The following SLX4IP variants were observed in gnomAD, a reference collection of about 807,000 sequenced individuals.
SLX4IP encodes the protein SLX4 interacting protein.
Under a neutral mutation model 32.9 loss-of-function variants are expected in SLX4IP, and 34 were observed. The ratio of observed to expected loss-of-function variants is 1.03; its 90% CI spans 0.79 to 1.38. The LOEUF is 1.38. Among genes scored for constraint, SLX4IP ranks in the 40% most tolerant of loss-of-function variants. SLX4IP has a pLI of 0.00. For synonymous variants in SLX4IP, 172 were observed against 171.7 expected (o/e 1.00, Z -0.01); for missense variants, 444 against 479.0 (o/e 0.93, Z 0.68).
chr20:10,548,831 C>G (rs763641853), intron 2 of SLX4IP, among the ~76,000 whole-genome samples: 20 of 152,220 alleles, frequency 1.3e-4, no homozygotes, highest in Non-Finnish European at 2.8e-4. Context: ...GTCTGGCACA[C>G]AAGCGCTCCA....
At chr20:10,562,322 G>A (rs1469084190) in intron 4 of SLX4IP, among the ~76,000 whole-genome samples, 1 of 152,282 alleles carries the variant, frequency 6.6e-6, no homozygotes. Context: ...GAGGCCAGAA[G>A]GGGGATCTAG....
In SLX4IP at chr20:10,560,812, C is replaced by A; in HGVS notation, c.230C>A (p.Ser77Tyr). Residue 77 changes from serine (S) to tyrosine (Y), a missense_variant, in exon 4 of 8, where the codon TCC becomes TAC. Ser to Tyr is a moderately radical substitution (Grantham distance 144). Coordinates refer to ENST00000334534, the MANE Select transcript of SLX4IP (RefSeq NM_001009608.3). ...GAATTCACAAGATCCAATCCCTTGT[C>A]CTTAAAAGGTAGGCACAGAGCACTT... ...NAEFTRSNPL[S>Y]LKGYGFQITA... is the part of the protein sequence containing the mutation. The A allele has an allele frequency of 6.3e-7, 1 of 1,598,138 alleles. No homozygotes were observed.
intron 2 of SLX4IP, among the ~76,000 whole-genome samples, chr20:10,527,201 A>G (rs1318625008): frequency 1.3e-5 from 2 of 152,350 alleles, no homozygotes; most frequent in East Asian, 3.9e-4. Context: ...AAAACAAAAT[A>G]CTGCCCCTCA....
intron 4 of SLX4IP, among the ~76,000 whole-genome samples, chr20:10,574,893 G>C (rs980239610): frequency 6.6e-6 from 1 of 151,990 alleles, no homozygotes; most frequent in Non-Finnish European, 1.5e-5. Context: ...GGCTGGTCTC[G>C]AACTCCTGAT....
At position 10,592,683 on chromosome 20, in the gene SLX4IP, G is replaced by A. The variant is rs143006507; in HGVS notation, c.239-5992G>A. Among the ~76,000 whole-genome samples the A allele has an allele frequency of 3.5e-3, 479 of 135,690 alleles. 3 individuals are homozygous for A. The highest frequency in any genetic ancestry group is 7.8e-3 in the Middle Eastern group (2 of 256). The allele number at this position is 135,690 out of a possible 152,430, so 89.0% of individuals were successfully genotyped here. ...GGAGTCTCACTCTGTTGCCCAGGCC[G>A]GAGTGCAGTGCCATGATCTCGGCTC... On this transcript the variant is annotated intron_variant, in intron 4 of 7. Transcript: ENST00000334534.
chr20:10,482,517 G>A (rs1001085828), intron 2 of SLX4IP, among the ~76,000 whole-genome samples: 1 of 152,104 alleles, frequency 6.6e-6, no homozygotes, highest in African/African-American at 2.4e-5. Flanking sequence ...GGTCCCTGGA[G>A]GAAGCAAGCA....
chr20:10,487,791 C>T (rs769673842), intron 2 of SLX4IP, among the ~76,000 whole-genome samples: 9 of 152,072 alleles, frequency 5.9e-5, no homozygotes, highest in Non-Finnish European at 1.0e-4. Context: ...CTTGCATGTT[C>T]GCTGAACAGT....
intron 3 of SLX4IP, 93 bp from the exon 4 acceptor site, chr20:10,560,602 CAAAAT>C: frequency 3.1e-6 from 3 of 960,852 alleles, no homozygotes; most frequent in Non-Finnish European, 4.3e-6. Context: ...AATTAAAAAG[CAAAAT>C]GAAATGAAAT....
intron 2 of SLX4IP, among the ~76,000 whole-genome samples, chr20:10,488,584 G>A (rs1411043094): frequency 6.6e-6 from 1 of 152,084 alleles, no homozygotes; most frequent in East Asian, 1.9e-4. Context: ...GTAAAATGCT[G>A]AGCAAGCCTC....
In SLX4IP at chr20:10,626,819, C is replaced by A. The variant is rs1272480769; in HGVS notation, c.*3440C>A. The A allele has an allele frequency of 6.6e-6, 1 of 152,108 alleles. No homozygotes were observed. 9.4% of individuals were successfully genotyped at this position (152,108 alleles called of 1,614,324 possible). On this transcript the variant is annotated 3_prime_UTR_variant, in exon 8 of 8. Transcript: ENST00000334534. ...GAAGTGTATTTCATTTTATAAAAAG[C>A]AAGAATCATAAAAACCCTCTGTATT...
At chr20:10,603,458 TG>T (rs1235384545) in intron 6 of SLX4IP, among the ~76,000 whole-genome samples, 1 of 152,190 alleles carries the variant, frequency 6.6e-6, no homozygotes, top group African/African-American at 2.4e-5. Context: ...TTTACATGAG[TG>T]AGTTCAGTTT....
In SLX4IP at chr20:10,623,973, G is replaced by A. The variant is rs1266678567; in HGVS notation, c.*594G>A. 1 of 153,222 alleles carries A rather than the reference G, an allele frequency of 6.5e-6. No homozygotes were observed. The highest frequency in any genetic ancestry group is 1.5e-5 in the Non-Finnish European group (1 of 68,786). 9.5% of individuals were successfully genotyped at this position (153,222 alleles called of 1,614,324 possible). A position where few individuals can be genotyped will look rare whatever the true frequency, so the allele number is the denominator to read the frequency against. ...ACATGCTCGCGTTTGAGAACCACTG[G>A]ACTAATAGAACACTCCCCAGTGCTT... On this transcript the variant is annotated 3_prime_UTR_variant, in exon 8 of 8. Transcript: ENST00000334534.
At chr20:10,515,354 G>A (rs760060046) in intron 2 of SLX4IP, among the ~76,000 whole-genome samples, 73 of 152,060 alleles carry the variant, frequency 4.8e-4, no homozygotes, top group Non-Finnish European at 9.3e-4. Flanking sequence ...CAAAGTGCTG[G>A]GATTACAGGC....
At chr20:10,616,524 A>T in intron 6 of SLX4IP, among the ~76,000 whole-genome samples, 1 of 151,814 alleles carries the variant, frequency 6.6e-6, no homozygotes, top group East Asian at 1.9e-4. Context: ...GTCACACAAG[A>T]TCTGCCTTTT....
At position 10,477,900 on chromosome 20, in the gene SLX4IP, T is replaced by C. The variant is rs2065488895; in HGVS notation, c.27+19669T>C. On this transcript the variant is annotated intron_variant, in intron 2 of 7. Transcript: ENST00000334534. ...TGGTGTTCCTTGTTACAATCTCCCT[T>C]TTTTTTTTTTTTTTTGAAACGGAGT... is the stretch of plus-strand genomic sequence containing the variant. Among the ~76,000 whole-genome samples, 4 of 20,242 alleles carry C rather than the reference T, an allele frequency of 2.0e-4. No individual in the cohort carries two copies. The South Asian group carries it at 0.011, about 58-fold the overall frequency. The allele number at this position is 20,242 out of a possible 152,430, so 13.3% of individuals were successfully genotyped here. A position where few individuals can be genotyped will look rare whatever the true frequency, so the allele number is the denominator to read the frequency against.
chr20:10,556,422 T>C (rs1352646767), intron 3 of SLX4IP, 102 bp downstream of exon 3: 7 of 1,171,560 alleles, frequency 6.0e-6, no homozygotes, highest in Non-Finnish European at 8.6e-6. Context: ...AAAAAAATGT[T>C]GCGTATTTAA....
chr20:10,566,956 G>A (rs2066401892), intron 4 of SLX4IP, among the ~76,000 whole-genome samples: 1 of 152,130 alleles, frequency 6.6e-6, no homozygotes. Context: ...TGATGAAAGA[G>A]GTCAAATGTC....
chr20:10,555,983 C>G (rs577598948), intron 2 of SLX4IP, among the ~76,000 whole-genome samples: 2 of 152,318 alleles, frequency 1.3e-5, no homozygotes, highest in South Asian at 4.1e-4. Flanking sequence ...AGCCCAGAGA[C>G]AGATATTTTG....
chr20:10,600,470 G>C (rs1000951627), intron 5 of SLX4IP, among the ~76,000 whole-genome samples: 2 of 152,172 alleles, frequency 1.3e-5, no homozygotes, highest in African/African-American at 4.8e-5. Context: ...ACTTGGAATA[G>C]GGAGAGTGAC....
Sources: gnomAD v4.1 joint callset for allele counts (sites outside exome capture counted in the v4.1 genomes callset) on GRCh38, gnomAD v4.1.1 for gene constraint, MANE v1.5 for transcripts, NCBI Gene and HGNC (gene_info 2026-07-23, HGNC 2026-07-21) for gene names.